Variants in DOCK1 observed in about 807,000 individuals in gnomAD.
DOCK1 encodes the protein dedicator of cytokinesis protein 1.
A neutral mutation model predicts 262.7 loss-of-function variants in DOCK1; 138 were observed. The observed-to-expected ratio is 0.53, with a 90% CI of 0.46 to 0.61. DOCK1 has a LOEUF of 0.61. Ranked by LOEUF, DOCK1 falls within the 20% of genes least tolerant of loss-of-function variation. The probability of loss-of-function intolerance (pLI) is 0.00; values close to 1 mark genes in which losing one functional copy is unlikely to be tolerated. For missense variants in DOCK1, 1,908 were observed against 2,370.7 expected (o/e 0.80, Z 4.05); for synonymous variants, 866 against 867.4 (o/e 1.00, Z 0.03).
intron 42 of DOCK1, among the ~76,000 whole-genome samples, chr10:127,410,485 A>G (rs759095957): frequency 2.6e-5 from 4 of 152,120 alleles, no homozygotes; most frequent in Non-Finnish European, 5.9e-5. Flanking sequence ...GTAGATCTGA[A>G]ACTAAGGTAT....
At chr10:127,259,728 T>C (rs2059952401) in intron 29 of DOCK1, among the ~76,000 whole-genome samples, 1 of 151,944 alleles carries the variant, frequency 6.6e-6, no homozygotes, top group Admixed American at 6.6e-5. Flanking sequence ...TGCATTCATG[T>C]CGCTCCTACT....
In DOCK1 at chr10:127,426,056, G is replaced by C. The variant is rs1435889448; in HGVS notation, c.4914+45G>C. The stretch of plus-strand genomic sequence containing the variant: ...AGTGTTGCAGAAGAGTGGGTGTCTG[G>C]GCATCCCACTGTTGAACAGGGACAA... On this transcript the variant is annotated intron_variant, in intron 47 of 51. Coordinates refer to ENST00000623213, the MANE Select transcript of DOCK1 (RefSeq NM_001290223.2). 4.3e-6 allele frequency: 7 copies of C among 1,609,928 alleles called. No individual in the cohort carries two copies. The East Asian group carries it at 1.6e-4, about 36-fold the overall frequency.
chr10:127,314,119 G>A (rs532195221), intron 29 of DOCK1, among the ~76,000 whole-genome samples: 1 of 152,320 alleles, frequency 6.6e-6, no homozygotes, highest in African/African-American at 2.4e-5. Flanking sequence ...GAGTTGATGA[G>A]CCTGCTCATG....
At chr10:127,411,972 A>AT (rs1270261641) in intron 43 of DOCK1, among the ~76,000 whole-genome samples, 4 of 151,256 alleles carry the variant, frequency 2.6e-5, no homozygotes, top group African/African-American at 7.3e-5. Flanking sequence ...TTATTTGTTT[A>AT]TTTTTTTTGA....
chr10:127,344,905 C>T (rs142001071), intron 31 of DOCK1, among the ~76,000 whole-genome samples: 60 of 152,284 alleles, frequency 3.9e-4, no homozygotes, highest in Non-Finnish European at 7.3e-4. Flanking sequence ...ATTATAGTCA[C>T]GTACTGCATA....
intron 25 of DOCK1, among the ~76,000 whole-genome samples, chr10:127,121,467 G>GTGTT (rs1357939499): frequency 2.0e-5 from 3 of 151,880 alleles, no homozygotes; most frequent in African/African-American, 7.3e-5. Flanking sequence ...GTGTGTGTGT[G>GTGTT]TGTGTGTGTC....
At chr10:127,223,105 C>T (rs7090235) in intron 27 of DOCK1, among the ~76,000 whole-genome samples, 53,843 of 152,022 alleles carry the variant, frequency 0.35, 9,879 homozygotes, top group East Asian at 0.45. Flanking sequence ...TTTTGTGTTA[C>T]CATGTCACAG....
intron 42 of DOCK1, among the ~76,000 whole-genome samples, chr10:127,409,951 T>C (rs1426724940): frequency 6.6e-6 from 1 of 152,224 alleles, no homozygotes; most frequent in Non-Finnish European, 1.5e-5. Flanking sequence ...TTTCTGCCTG[T>C]CAGTTGTATC....
At chr10:127,152,156 A>T (rs1476284858) in intron 27 of DOCK1, among the ~76,000 whole-genome samples, 1 of 152,160 alleles carries the variant, frequency 6.6e-6, no homozygotes, top group Non-Finnish European at 1.5e-5. Flanking sequence ...CTTCCAAACT[A>T]ACAGAAGCTG....
At chr10:126,990,384 A>G in intron 5 of DOCK1, 71 bp from the exon 6 acceptor site, 1 of 1,446,848 alleles carries the variant, frequency 6.9e-7, no homozygotes, top group African/African-American at 1.4e-5. Flanking sequence ...TTGAAGAGAT[A>G]GCCATTCTCT....
intron 27 of DOCK1, among the ~76,000 whole-genome samples, chr10:127,216,470 T>C (rs578043166): frequency 1.3e-5 from 2 of 152,194 alleles, no homozygotes; most frequent in Non-Finnish European, 2.9e-5. Context: ...TGGAATTCTT[T>C]CTGAGCTAGC....
At chr10:127,346,268 T>G (rs1389539844) in intron 31 of DOCK1, among the ~76,000 whole-genome samples, 1 of 152,178 alleles carries the variant, frequency 6.6e-6, no homozygotes, top group Non-Finnish European at 1.5e-5. Flanking sequence ...TTCCTTCTGT[T>G]GGTGTGAGCG....
chr10:127,040,807 C>A (rs1359835913), intron 19 of DOCK1, among the ~76,000 whole-genome samples: 1 of 152,154 alleles, frequency 6.6e-6, no homozygotes, highest in African/African-American at 2.4e-5. Flanking sequence ...AAAAATTCAT[C>A]CTTTTACTCT....
chr10:127,094,014 C>G (rs1238541933), intron 23 of DOCK1, among the ~76,000 whole-genome samples: 1 of 152,080 alleles, frequency 6.6e-6, no homozygotes, highest in Admixed American at 6.6e-5. Context: ...CCCTATGTGG[C>G]TGAGTCCTCA....
chr10:127,394,504 A>G (rs1165130481), intron 38 of DOCK1, among the ~76,000 whole-genome samples: 2 of 152,200 alleles, frequency 1.3e-5, no homozygotes, highest in South Asian at 2.1e-4. Flanking sequence ...TTGGAAACAC[A>G]GTTGTTATTA....
intron 47 of DOCK1, among the ~76,000 whole-genome samples, chr10:127,426,226 C>G (rs919371882): frequency 2.6e-5 from 4 of 152,192 alleles, no homozygotes; most frequent in African/African-American, 9.6e-5. Context: ...GGCGAATAAA[C>G]ATTCATGAAT....
intron 23 of DOCK1, among the ~76,000 whole-genome samples, chr10:127,062,845 G>A (rs997825977): frequency 6.6e-6 from 1 of 152,226 alleles, no homozygotes; most frequent in Non-Finnish European, 1.5e-5. Context: ...ATCTTTGCCT[G>A]TGCAGAAGAG....
chr10:127,099,143 G>A (rs971625538), intron 23 of DOCK1, among the ~76,000 whole-genome samples: 7 of 152,128 alleles, frequency 4.6e-5, no homozygotes, highest in Non-Finnish European at 1.0e-4. Flanking sequence ...AGTTAAGGAG[G>A]TGATTTCTGT....
chr10:126,949,467 AG>A (rs2035984672), intron 1 of DOCK1, among the ~76,000 whole-genome samples: 1 of 152,134 alleles, frequency 6.6e-6, no homozygotes, highest in African/African-American at 2.4e-5. Flanking sequence ...TAGGTGTGTG[AG>A]GGAGGGTTGG....
Sources: allele counts gnomAD v4.1 joint callset (sites outside exome capture counted in the v4.1 genomes callset), GRCh38; gene constraint gnomAD v4.1.1; transcripts MANE v1.5; gene names NCBI Gene and HGNC (gene_info 2026-07-23, HGNC 2026-07-21).